The following TNS3 variants were observed in gnomAD, a reference collection of about 807,000 sequenced individuals.
The protein encoded by TNS3 is tensin-3.
TNS3 carries 45 observed loss-of-function variants against 140.9 expected under a neutral mutation model. The ratio of observed to expected loss-of-function variants is 0.32; its 90% CI spans 0.25 to 0.41. The LOEUF (loss-of-function observed/expected upper bound fraction) is 0.41. Among genes scored for constraint, TNS3 ranks in the 10% least tolerant of loss-of-function variants. The probability of loss-of-function intolerance (pLI) is 1.00; values close to 1 mark genes in which losing one functional copy is unlikely to be tolerated. For synonymous variants in TNS3, 815 were observed against 788.4 expected (o/e 1.03, Z -0.56); for missense variants, 1,716 against 1,906.7 (o/e 0.90, Z 1.86).
chr7:47,416,637 G>A (rs898219553), intron 10 of TNS3, among the ~76,000 whole-genome samples: 1 of 152,164 alleles, frequency 6.6e-6, no homozygotes. Flanking sequence ...TGGGGACCCT[G>A]TGAGGCTGAT....
At chr7:47,547,180 CGGGCTCCAGTGTAGACT>C (rs1799944796) in intron 1 of TNS3, among the ~76,000 whole-genome samples, 1 of 152,170 alleles carries the variant, frequency 6.6e-6, no homozygotes, top group African/African-American at 2.4e-5. Context: ...CAGTGTGTGT[CGGGCTCCAGTGTAGACT>C]GGGCCTTGAC....
At chr7:47,394,830 T>A (rs1177627695) in intron 16 of TNS3, among the ~76,000 whole-genome samples, 1 of 152,238 alleles carries the variant, frequency 6.6e-6, no homozygotes, top group Non-Finnish European at 1.5e-5. Flanking sequence ...CGCCCAGCTT[T>A]CAGTTCCCTG....
chr7:47,304,185 T>C (rs991962822), intron 21 of TNS3, among the ~76,000 whole-genome samples: 4 of 152,188 alleles, frequency 2.6e-5, no homozygotes, highest in African/African-American at 7.2e-5. Flanking sequence ...CCATGCTTGC[T>C]AGATGAACCA....
At chr7:47,537,031 T>G (rs929631716) in intron 1 of TNS3, among the ~76,000 whole-genome samples, 12 of 149,668 alleles carry the variant, frequency 8.0e-5, no homozygotes, top group African/African-American at 2.7e-4. Flanking sequence ...CGCACTCACC[T>G]GGCGCCGGCG....
At position 47,293,825 on chromosome 7, in the gene TNS3, C is replaced by A. The variant is rs759461111; in HGVS notation, c.3680G>T (p.Gly1227Val). The change falls in exon 25 of 31, where the codon GGA becomes GTA. Residue 1227 changes from glycine to valine, a missense_variant. Around this residue, in one of 3 missense-constraint regions of TNS3, gnomAD observed 216 missense variants for 295.7 expected, o/e 0.73. Transcript: ENST00000311160. ...PSVLQLNKKA[G>V]DLANELVRHF... ...CCGGACGAGTTCATTGGCCAAATCT[C>A]CAGCTGTGGCAAGAAATTTAAAGAA... The A allele has an allele frequency of 3.7e-6, 6 of 1,614,156 alleles. No individual in the cohort carries two copies. In the South Asian group the frequency reaches 5.5e-5, roughly 15 times the overall value.
chr7:47,352,124 C>T (rs1789713669), intron 17 of TNS3, among the ~76,000 whole-genome samples: 1 of 149,228 alleles, frequency 6.7e-6, no homozygotes. Flanking sequence ...TAGTCTCTCA[C>T]ACACTCTTAC....
intron 10 of TNS3, among the ~76,000 whole-genome samples, chr7:47,417,431 C>T (rs78862401): frequency 0.013 from 1,972 of 152,290 alleles, 45 homozygotes; most frequent in African/African-American, 0.045. Context: ...CCAAAGAAGG[C>T]CAAAGTCCAG....
intron 20 of TNS3, among the ~76,000 whole-genome samples, chr7:47,312,161 A>G (rs1787142005): frequency 6.6e-6 from 1 of 152,204 alleles, no homozygotes; most frequent in South Asian, 2.1e-4. Context: ...GTTTTCTGCT[A>G]TGACTGACCT....
At chr7:47,359,715 G>T (rs921211049) in intron 17 of TNS3, among the ~76,000 whole-genome samples, 1 of 152,144 alleles carries the variant, frequency 6.6e-6, no homozygotes, top group African/African-American at 2.4e-5. Context: ...GAGTGTTAGG[G>T]TGTTAAATTT....
At chr7:47,372,747 A>G (rs1791149205) in intron 16 of TNS3, among the ~76,000 whole-genome samples, 1 of 152,192 alleles carries the variant, frequency 6.6e-6, no homozygotes, top group African/African-American at 2.4e-5. Flanking sequence ...TTAATACATG[A>G]AAGTACAGCC....
In TNS3 at chr7:47,428,327, G is replaced by C; in HGVS notation, c.374C>G (p.Thr125Ser). 6.9e-7 allele frequency: 1 copy of C among 1,446,858 alleles called. No individual in the cohort carries two copies. Among genetic ancestry groups the C allele is most frequent in the Non-Finnish European group, 9.1e-7 (1 of 1,093,826 alleles). 89.6% of individuals were successfully genotyped at this position (1,446,858 alleles called of 1,614,324 possible). Residue 125 changes from threonine to serine, a missense_variant, in exon 9 of 31, where the codon ACC becomes AGC. Thr to Ser is a moderately conservative substitution (Grantham distance 58, BLOSUM62 1). Around this residue, in one of 3 missense-constraint regions of TNS3, gnomAD observed 337 missense variants for 428.9 expected, o/e 0.79. Transcript: ENST00000311160. The stretch of plus-strand genomic sequence containing the variant: ...TTCATCCTACCTGGCTGAGACGTTG[G>C]TGAAATGCATGTAGGATGATATGAC... Reference protein sequence around the residue: ...GVVISSYMHFTNVSASADQAL... With the variant: ...GVVISSYMHFSNVSASADQAL...
At chr7:47,391,962 C>T (rs1792546485) in intron 16 of TNS3, among the ~76,000 whole-genome samples, 1 of 152,142 alleles carries the variant, frequency 6.6e-6, no homozygotes. Flanking sequence ...CTGCCATCGC[C>T]GACAGTGTAC....
rs752762341 is a variant in TNS3 at position 47,346,291 on chromosome 7, C to T, written c.2347G>A (p.Asp783Asn). The T allele has an allele frequency of 3.7e-6, 6 of 1,614,202 alleles. No homozygotes were observed. The East Asian group carries it at 6.7e-5, about 18-fold the overall frequency. ...GAGAAGGGCAGCTGCCCCCCAGCAT[C>T]GTTGTCGTACTGCCCCAGGCTCAGC... is the stretch of plus-strand genomic sequence containing the variant. ...RKLSLGQYDN[D>N]AGGQLPFSKC... The change falls in exon 18 of 31, where the codon GAT becomes AAT. Residue 783 changes from aspartate (D) to asparagine (N), a missense_variant. Physicochemically the swap from Asp to Asn is conservative, Grantham distance 23. Coordinates refer to ENST00000311160, the MANE Select transcript of TNS3 (RefSeq NM_022748.12).
At chr7:47,555,079 T>G (rs1021018889) in intron 1 of TNS3, among the ~76,000 whole-genome samples, 2 of 151,792 alleles carry the variant, frequency 1.3e-5, no homozygotes, top group Non-Finnish European at 1.5e-5. Context: ...GTACATATTA[T>G]TGAAATAACA....
At chr7:47,311,399 AGTGTGTGTGTGTGT>A (rs10617598) in intron 20 of TNS3, among the ~76,000 whole-genome samples, 8,354 of 147,418 alleles carry the variant, frequency 0.057, 324 homozygotes, top group South Asian at 0.13. Context: ...GAACTTAAAG[AGTGTGTGTGTGTGT>A]GTGTGTGTGT....
At chr7:47,520,047 G>A (rs1413553251) in intron 2 of TNS3, among the ~76,000 whole-genome samples, 1 of 151,526 alleles carries the variant, frequency 6.6e-6, no homozygotes, top group Non-Finnish European at 1.5e-5. Context: ...GGATGGTCTC[G>A]ATCTCCTGAC....
At chr7:47,368,250 T>C (rs375334904) in intron 17 of TNS3, 115 bp downstream of exon 17, 1 of 1,090,102 alleles carries the variant, frequency 9.2e-7, no homozygotes, top group Non-Finnish European at 1.2e-6. Context: ...GCAAGGGAAA[T>C]GTCCCTCCCT....
At chr7:47,412,519 G>C (rs1203730722) in intron 12 of TNS3, among the ~76,000 whole-genome samples, 1 of 152,216 alleles carries the variant, frequency 6.6e-6, no homozygotes, top group Non-Finnish European at 1.5e-5. Flanking sequence ...TCGGGAGGCT[G>C]AAGCAGGAGA....
At chr7:47,432,653 G>C (rs1254033678) in intron 8 of TNS3, among the ~76,000 whole-genome samples, 1 of 152,214 alleles carries the variant, frequency 6.6e-6, no homozygotes, top group Non-Finnish European at 1.5e-5. Context: ...AGGTTTTGCA[G>C]GCTGCAAGGT....
Sources: gnomAD v4.1 joint callset for allele counts (sites outside exome capture counted in the v4.1 genomes callset) on GRCh38, gnomAD v4.1.1 for gene constraint, gnomAD v4.1.1 regional missense constraint, MANE v1.5 for transcripts, NCBI Gene and HGNC (gene_info 2026-07-23, HGNC 2026-07-21) for gene names.